Variants in PCDH11X observed in about 807,000 individuals in gnomAD.
The protein encoded by PCDH11X is protocadherin-11 X-linked.
A neutral mutation model predicts 53.3 loss-of-function variants in PCDH11X; 18 were observed. The ratio of observed to expected loss-of-function variants is 0.34; its 90% CI spans 0.23 to 0.50. The LOEUF (loss-of-function observed/expected upper bound fraction) is 0.50, where lower values mean the gene tolerates loss of function less well. PCDH11X is among the 20% of genes least tolerant of loss of function. PCDH11X has a pLI of 0.98. For missense variants in PCDH11X, 570 were observed against 1,032.4 expected (o/e 0.55, Z 6.14); for synonymous variants, 279 against 393.3 (o/e 0.71, Z 3.44).
chrX:92,364,725 A>G (rs1215344291), intron 8 of PCDH11X, among the ~76,000 whole-genome samples: 2 of 107,418 alleles, frequency 1.9e-5, no homozygotes, highest in Non-Finnish European at 3.9e-5. Context: ...TAAGCCAAAA[A>G]CACATTTTAT....
At chrX:92,449,361 C>G (rs1246471679) in intron 9 of PCDH11X, among the ~76,000 whole-genome samples, 2 of 111,586 alleles carry the variant, frequency 1.8e-5, no homozygotes, top group Non-Finnish European at 1.9e-5. Flanking sequence ...TTATTTGTCA[C>G]CACACTATTC....
chrX:92,006,844 C>T (rs146924034), intron 6 of PCDH11X, among the ~76,000 whole-genome samples: 1,559 of 111,525 alleles, frequency 0.014, 21 homozygotes, highest in African/African-American at 0.047. Context: ...TGCTGTGGTT[C>T]TTGCAGACGC....
chrX:92,055,805 A>C (rs2063440275), intron 6 of PCDH11X, among the ~76,000 whole-genome samples: 1 of 110,700 alleles, frequency 9.0e-6, no homozygotes, highest in African/African-American at 3.3e-5. Context: ...ACCATGCAGT[A>C]TTTGGTTTTC....
At chrX:91,903,354 C>G (rs1941022661) in intron 6 of PCDH11X, among the ~76,000 whole-genome samples, 1 of 111,063 alleles carries the variant, frequency 9.0e-6, no homozygotes, top group Non-Finnish European at 1.9e-5. Flanking sequence ...GCTTAAAATC[C>G]TTCATTGGAT....
intron 6 of PCDH11X, among the ~76,000 whole-genome samples, chrX:92,133,269 T>G (rs1442208117): frequency 8.9e-6 from 1 of 112,253 alleles, no homozygotes; most frequent in Non-Finnish European, 1.9e-5. Flanking sequence ...TTTGTTCACA[T>G]TAGTCTGGAT....
At chrX:92,529,858 A>T (rs762373031) in intron 10 of PCDH11X, among the ~76,000 whole-genome samples, 1 of 106,519 alleles carries the variant, frequency 9.4e-6, no homozygotes, top group East Asian at 3.0e-4. Context: ...ATTGATGATA[A>T]CAGTTCTTTT....
chrX:92,270,067 T>G (rs2067917660), intron 8 of PCDH11X, among the ~76,000 whole-genome samples: 1 of 110,881 alleles, frequency 9.0e-6, no homozygotes, highest in Non-Finnish European at 1.9e-5. Context: ...TCATGTTCAT[T>G]AAGTACATAT....
intron 10 of PCDH11X, among the ~76,000 whole-genome samples, chrX:92,590,072 C>T (rs1206158158): frequency 1.8e-5 from 2 of 108,524 alleles, no homozygotes; most frequent in Non-Finnish European, 3.8e-5. Context: ...GACCAACCAA[C>T]CCCACCCAAT....
chrX:92,459,775 G>A, intron 9 of PCDH11X: 1 of 1,175,019 alleles, frequency 8.5e-7, no homozygotes, highest in Admixed American at 2.2e-5. Context: ...CAGCGTCTAT[G>A]CAGGCGCCGG....
chrX:91,873,745 G>A (rs1481355834), intron 5 of PCDH11X, among the ~76,000 whole-genome samples: 2 of 111,494 alleles, frequency 1.8e-5, no homozygotes, highest in African/African-American at 6.5e-5. Context: ...CAGATGTATT[G>A]TATTCATAAA....
In PCDH11X at chrX:92,274,441, T is replaced by C. The variant is rs758613327; in HGVS notation, c.3144+11298T>C. On this transcript the variant is annotated intron_variant, in intron 8 of 10. Transcript: ENST00000682573. ...GAGGTGGGAAGGCTAAACGGAGGAA[T>C]TATGTCTGACAGAACGGAAGAAATG... Among the ~76,000 whole-genome samples, 117 of 111,063 alleles carry C rather than the reference T, an allele frequency of 1.1e-3. 1 individual carries two copies. The highest frequency in any genetic ancestry group is 3.7e-3 in the African/African-American group (111 of 30,367).
Position 92,098,942 on chromosome X carries a change from C to T in PCDH11X, c.3034-102433C>T, listed in dbSNP as rs769122220. Among the ~76,000 whole-genome samples, 6 of 111,531 alleles carry T rather than the reference C, an allele frequency of 5.4e-5. No homozygotes were observed. The East Asian group carries it at 8.4e-4, about 16-fold the overall frequency. On this transcript the variant is annotated intron_variant, in intron 6 of 10. Coordinates refer to ENST00000682573, the MANE Select transcript of PCDH11X (RefSeq NM_032968.5). ...GATTACAGGCCTGAGCCACTGCACC[C>T]GGCCCCTGAATGCTCTCTTTTAATT...
intron 8 of PCDH11X, among the ~76,000 whole-genome samples, chrX:92,302,447 C>T (rs2068743890): frequency 9.0e-6 from 1 of 110,624 alleles, no homozygotes; most frequent in South Asian, 3.8e-4. Context: ...CTTTAAATGG[C>T]TGTTTTTAAA....
intron 9 of PCDH11X, among the ~76,000 whole-genome samples, chrX:92,434,028 T>C (rs1320288612): frequency 9.0e-6 from 1 of 110,662 alleles, no homozygotes; most frequent in East Asian, 2.9e-4. Flanking sequence ...CAATTCAAGG[T>C]GAGGTCCATT....
At chrX:92,256,014 C>T (rs1342226311) in intron 7 of PCDH11X, among the ~76,000 whole-genome samples, 12 of 112,100 alleles carry the variant, frequency 1.1e-4, no homozygotes, top group Non-Finnish European at 1.5e-4. Flanking sequence ...TGGGCAATGG[C>T]GGGCGCCCCT....
chrX:92,023,096 C>A (rs1343525814), intron 6 of PCDH11X, among the ~76,000 whole-genome samples: 1 of 109,306 alleles, frequency 9.1e-6, no homozygotes, highest in African/African-American at 3.4e-5. Context: ...CCTAACATTG[C>A]AATAAAAAGA....
intron 10 of PCDH11X, among the ~76,000 whole-genome samples, chrX:92,607,052 A>C (rs1926902554): frequency 9.0e-6 from 1 of 111,726 alleles, no homozygotes; most frequent in African/African-American, 3.3e-5. Flanking sequence ...AGAAATGGGA[A>C]CATTCATGCA....
At chrX:92,007,735 A>G (rs2062625248) in intron 6 of PCDH11X, among the ~76,000 whole-genome samples, 1 of 111,912 alleles carries the variant, frequency 8.9e-6, no homozygotes. Flanking sequence ...CGGAGCCACC[A>G]TATCTGTTAA....
At chrX:92,312,227 T>G (rs1603266768) in intron 8 of PCDH11X, among the ~76,000 whole-genome samples, 1 of 111,524 alleles carries the variant, frequency 9.0e-6, no homozygotes, top group East Asian at 2.8e-4. Flanking sequence ...AAAACATAGT[T>G]GATTACCTTT....
Sources: gnomAD v4.1 joint callset for allele counts (sites outside exome capture counted in the v4.1 genomes callset) on GRCh38, gnomAD v4.1.1 for gene constraint, MANE v1.5 for transcripts, NCBI Gene and HGNC (gene_info 2026-07-23, HGNC 2026-07-21) for gene names.